The following SAA2 variants were observed in gnomAD, a reference collection of about 807,000 sequenced individuals.
SAA2 encodes the protein serum amyloid A-2 protein.
In SAA2, 5 loss-of-function variants were observed where a neutral mutation model predicts 9.1. The observed-to-expected ratio is 0.55, with a 90% CI of 0.29 to 1.16. The LOEUF (loss-of-function observed/expected upper bound fraction) is 1.16. Ranked by LOEUF, SAA2 falls within the 50% of genes most tolerant of loss-of-function variation. SAA2 has a pLI of 0.09. For synonymous variants in SAA2, 49 were observed against 59.8 expected (o/e 0.82, Z 0.83); for missense variants, 94 against 153.8 (o/e 0.61, Z 2.06).
downstream of SAA2, chr11:18,242,501 C>T (rs933214835): frequency 4.5e-5 from 19 of 426,240 alleles, no homozygotes; most frequent in Admixed American, 8.1e-5. Flanking sequence ...CCCTCACAGA[C>T]GACCCCAGAA....
chr11:18,245,729 A>AG (rs1284099953), intron 3 of SAA2, among the ~76,000 whole-genome samples, 181 bp downstream of exon 3: 2 of 152,072 alleles, frequency 1.3e-5, no homozygotes, highest in African/African-American at 4.8e-5. Context: ...GGGGAGGGGG[A>AG]GGAATCACTC....
At chr11:18,247,337 A>G (rs1448125130) in intron 2 of SAA2, among the ~76,000 whole-genome samples, 2 of 150,030 alleles carry the variant, frequency 1.3e-5, no homozygotes, top group Non-Finnish European at 1.5e-5. Context: ...AGGAAGGAGA[A>G]AGAAGACAGA....
chr11:18,247,082 T>C (rs1425199426), intron 2 of SAA2, among the ~76,000 whole-genome samples: 1 of 152,274 alleles, frequency 6.6e-6, no homozygotes, highest in Admixed American at 6.5e-5. Flanking sequence ...TCCCTGGGCA[T>C]TGGCCTCAGC....
At position 18,245,505 on chromosome 11, in the gene SAA2, C is replaced by G. The variant is rs1384626249; in HGVS notation, c.241G>C (p.Glu81Gln). ...WAAEVISNAR[E>Q]NIQRLTGRGA... ...CGGCCTGTGAGTCTCTGGATATTCT[C>G]TCTGGCATTGCTGTAGTCCAGGCAG... The change falls in exon 4 of 4, where the codon GAG becomes CAG. Residue 81 changes from glutamate (E) to glutamine (Q), a missense_variant. Coordinates refer to ENST00000256733, the MANE Select transcript of SAA2 (RefSeq NM_030754.5). 3.7e-6 allele frequency: 6 copies of G among 1,614,086 alleles called. No individual in the cohort carries two copies. The highest frequency in any genetic ancestry group is 3.4e-6 in the Non-Finnish European group (4 of 1,179,924).
At chr11:18,247,359 C>A (rs1358202068) in intron 2 of SAA2, among the ~76,000 whole-genome samples, 12 of 149,464 alleles carry the variant, frequency 8.0e-5, no homozygotes, top group African/African-American at 3.0e-4. Context: ...GAGTCAACAG[C>A]CTTAGTCATA....
At chr11:18,242,252 C>T (rs994167062), downstream of SAA2, 1 of 152,330 alleles carries the variant, frequency 6.6e-6, no homozygotes, top group African/African-American at 2.4e-5. Context: ...GTAATTCAGT[C>T]TGAGTTCAAA....
Position 18,245,357 on chromosome 11 carries a change from G to C in SAA2, c.*20C>G. Reference sequence around the variant, plus strand: ...AGGGCCTCATAGCCAGGTCTCCTGAGAGCAGAGTGAAGAGGAAGCTCAGTA... The same window carrying C: ...AGGGCCTCATAGCCAGGTCTCCTGACAGCAGAGTGAAGAGGAAGCTCAGTA... On this transcript the variant is annotated 3_prime_UTR_variant, in exon 4 of 4. Transcript: ENST00000256733. 6.2e-7 allele frequency: 1 copy of C among 1,613,948 alleles called. No homozygotes were observed. The highest frequency in any genetic ancestry group is 1.7e-4 in the Middle Eastern group (1 of 5,882).
chr11:18,248,067 C>T, intron 1 of SAA2, 52 bp from the exon 2 acceptor site: 2 of 1,583,328 alleles, frequency 1.3e-6, no homozygotes, highest in Non-Finnish European at 1.7e-6. Flanking sequence ...GCACAGCTTC[C>T]CTTGGGACTT....
downstream of SAA2, chr11:18,239,089 T>C (rs1857271974): frequency 2.6e-5 from 4 of 152,216 alleles, no homozygotes; most frequent in South Asian, 8.3e-4. Context: ...ATATTTAGCA[T>C]ATTTGGAATT....
downstream of SAA2, among the ~76,000 whole-genome samples, chr11:18,240,478 T>C (rs980415857): frequency 6.6e-6 from 1 of 152,208 alleles, no homozygotes; most frequent in Non-Finnish European, 1.5e-5. Context: ...GTTCCTTTAG[T>C]CACATAGCTA....
chr11:18,240,509 G>A (rs573854736), downstream of SAA2, among the ~76,000 whole-genome samples: 2 of 152,046 alleles, frequency 1.3e-5, no homozygotes, highest in South Asian at 4.2e-4. Flanking sequence ...AAATGTTGAT[G>A]GTACTGGTAT....
At chr11:18,240,069 G>A in intron 3 of SAA2, 1 of 1,459,880 alleles carries the variant, frequency 6.8e-7, no homozygotes, top group Non-Finnish European at 9.3e-7. Context: ...ACCCAATGGG[G>A]TACCGGTGAT....
chr11:18,242,866 A>G (rs1426079943), downstream of SAA2: 4 of 699,092 alleles, frequency 5.7e-6, no homozygotes, highest in Admixed American at 8.0e-5. Context: ...AACAAAACAA[A>G]ACACAACTAT....
chr11:18,241,498 G>T (rs148867487), downstream of SAA2, among the ~76,000 whole-genome samples: 133 of 152,210 alleles, frequency 8.7e-4, no homozygotes, highest in African/African-American at 2.9e-3. Context: ...AGTGTCTTAG[G>T]TTAATCAACG....
chr11:18,245,402 G>T lies in SAA2; in HGVS notation c.344C>A (p.Pro115His), dbSNP rs779064015. ...RSGRDPNHFR[P>H]AGLPEKY Reference sequence around the variant, plus strand: ...TCAGTATTTCTCAGGCAGGCCAGCAGGTCGGAAGTGATTGGGGTCTCTGCC... The same window carrying T: ...TCAGTATTTCTCAGGCAGGCCAGCATGTCGGAAGTGATTGGGGTCTCTGCC... The change falls in exon 4 of 4, where the codon CCT (proline) becomes CAT (histidine). Residue 115 changes from proline (P) to histidine (H), a missense_variant. By Grantham distance (77) the Pro-to-His change is moderately conservative (BLOSUM62 -2). This residue lies in a region of SAA2 where 62 missense variants were observed against 58.3 expected (regional missense o/e 1.06). Coordinates refer to ENST00000256733, the MANE Select transcript of SAA2 (RefSeq NM_030754.5). The T allele has an allele frequency of 6.2e-7, 1 of 1,614,154 alleles. No individual in the cohort carries two copies.
chr11:18,245,501 TTC>T lies in SAA2; in HGVS notation c.243_244del (p.Asn82TyrfsTer20), dbSNP rs761401334. The T allele has an allele frequency of 6.2e-7, 1 of 1,614,070 alleles. No individual in the cohort carries two copies. The highest frequency in any genetic ancestry group is 1.3e-5 in the African/African-American group (1 of 75,054). On this transcript the variant is annotated frameshift_variant, in exon 4 of 4. Coordinates refer to ENST00000256733, the MANE Select transcript of SAA2 (RefSeq NM_030754.5). LOFTEE classifies it low-confidence loss of function (END_TRUNC). ...ACCACGGCCTGTGAGTCTCTGGATA[TTC>T]TCTCTGGCATTGCTGTAGTCCAGGC...
In SAA2 at chr11:18,240,237, A is replaced by G. The variant is rs1226533682; in HGVS notation, c.231-268T>C. The G allele has an allele frequency of 2.8e-6, 2 of 704,322 alleles. 1 individual carries two copies. Among genetic ancestry groups the G allele is most frequent in the South Asian group, 3.0e-5 (2 of 67,530 alleles). 43.6% of individuals were successfully genotyped at this position (704,322 alleles called of 1,614,324 possible). A position where few individuals can be genotyped will look rare whatever the true frequency, so the allele number is the denominator to read the frequency against. On this transcript the variant is annotated intron_variant, in intron 3 of 3. Coordinates refer to the SAA2 transcript ENST00000414546. ...TGAATGAGGCAAATAAGCAGGTGTCATCTTTTGAAAAAGTCCATCCAGTTG... is the reference window on the plus strand; with the variant it reads ...TGAATGAGGCAAATAAGCAGGTGTCGTCTTTTGAAAAAGTCCATCCAGTTG...
chr11:18,245,464 C>A lies in SAA2; in HGVS notation c.282G>T (p.Ser94=). 6.2e-7 allele frequency: 1 copy of A among 1,614,166 alleles called. No homozygotes were observed. The highest frequency in any genetic ancestry group is 8.5e-7 in the Non-Finnish European group (1 of 1,180,018). Residue 94 remains serine (S), a synonymous_variant, in exon 4 of 4, where the codon TCG becomes TCT. Transcript: ENST00000256733. ...ATTTATTGGCAGCCTGATCGGCCAG[C>A]GAGTCCTCCGCACCACGGCCTGTGA... ...QRLTGRGAED[S]LADQAANKWG... is the part of the protein sequence containing the mutation.
downstream of SAA2, chr11:18,242,214 C>T (rs1857366307): frequency 6.6e-6 from 1 of 152,126 alleles, no homozygotes; most frequent in Non-Finnish European, 1.5e-5. Context: ...CACGATCTGC[C>T]CTCTGCAAGC....
Sources: allele counts gnomAD v4.1 joint callset (sites outside exome capture counted in the v4.1 genomes callset), GRCh38; gene constraint gnomAD v4.1.1; regional missense constraint gnomAD v4.1.1; transcripts MANE v1.5; gene names NCBI Gene and HGNC (gene_info 2026-07-23, HGNC 2026-07-21).